Variants in IL1RAPL2 observed in about 807,000 individuals in gnomAD.
IL1RAPL2 encodes interleukin 1 receptor accessory protein like 2.
A neutral mutation model predicts 44.1 loss-of-function variants in IL1RAPL2; 3 were observed. The observed-to-expected ratio is 0.07, with a 90% CI of 0.03 to 0.18. IL1RAPL2 has a LOEUF of 0.18. IL1RAPL2 is among the 10% of genes least tolerant of loss of function. The pLI is 1.00. For synonymous variants in IL1RAPL2, 181 were observed against 178.8 expected (o/e 1.01, Z -0.10); for missense variants, 391 against 496.4 (o/e 0.79, Z 2.02).
chrX:104,667,842 G>A (rs1219459613), intron 2 of IL1RAPL2, among the ~76,000 whole-genome samples: 3 of 111,344 alleles, frequency 2.7e-5, no homozygotes, highest in Admixed American at 1.9e-4. Flanking sequence ...TCTTATAAAA[G>A]GCATAATATA....
chrX:105,581,160 C>T (rs752827906), intron 6 of IL1RAPL2, among the ~76,000 whole-genome samples: 1 of 111,317 alleles, frequency 9.0e-6, no homozygotes, highest in South Asian at 3.8e-4. Flanking sequence ...GACTGTATTG[C>T]TACACTCATG....
intron 5 of IL1RAPL2, among the ~76,000 whole-genome samples, chrX:105,422,976 C>T (rs2035783545): frequency 9.0e-6 from 1 of 110,773 alleles, no homozygotes. Flanking sequence ...CAGCCAGAGT[C>T]AAGGACACAA....
At chrX:105,268,997 T>C (rs1170791213) in intron 5 of IL1RAPL2, among the ~76,000 whole-genome samples, 2 of 110,974 alleles carry the variant, frequency 1.8e-5, no homozygotes, top group Non-Finnish European at 3.8e-5. Context: ...TACACATACA[T>C]ATTTCTATTG....
At chrX:104,662,934 G>A (rs1029901132) in intron 2 of IL1RAPL2, among the ~76,000 whole-genome samples, 1 of 111,523 alleles carries the variant, frequency 9.0e-6, no homozygotes, top group African/African-American at 3.3e-5. Context: ...GGATGATCTA[G>A]CACAAAAACT....
intron 2 of IL1RAPL2, among the ~76,000 whole-genome samples, chrX:105,082,489 C>T (rs898226904): frequency 4.5e-5 from 5 of 111,378 alleles, no homozygotes; most frequent in Non-Finnish European, 7.5e-5. Context: ...TCTATGATCT[C>T]GGGTATACTG....
In IL1RAPL2 at chrX:105,041,102, GA is replaced by G. The variant is rs1443276887; in HGVS notation, c.83-154371del. 3.8e-5 allele frequency among the ~76,000 whole-genome samples: 4 copies of G among 106,046 alleles called. No homozygotes were observed. The Admixed American group carries it at 4.1e-4, about 11-fold the overall frequency. The allele number at this position is 106,046 out of a possible 115,157, so 92.1% of individuals were successfully genotyped here. On this transcript the variant is annotated intron_variant, in intron 2 of 10. Transcript: ENST00000372582. ...TGTCTTTGTTCTCGTTGGTTTCAAA[GA>G]ACATCTTTATTTCTGCCTTCATTTC...
At chrX:104,568,129 C>A (rs16985073) in intron 1 of IL1RAPL2, among the ~76,000 whole-genome samples, 3,375 of 110,553 alleles carry the variant, frequency 0.031, 154 homozygotes, top group African/African-American at 0.11. Flanking sequence ...GTATCTTGTC[C>A]CCGAATGAGG....
chrX:105,375,921 T>A (rs768280526), intron 5 of IL1RAPL2, among the ~76,000 whole-genome samples: 1 of 112,316 alleles, frequency 8.9e-6, no homozygotes, highest in South Asian at 3.7e-4. Context: ...ATGGTTTTCC[T>A]TTCCTCACAA....
intron 5 of IL1RAPL2, among the ~76,000 whole-genome samples, chrX:105,414,935 T>C (rs2035722138): frequency 8.9e-6 from 1 of 112,277 alleles, no homozygotes; most frequent in Admixed American, 9.4e-5. Context: ...ATAATGTTTA[T>C]GTGAACACAT....
chrX:105,687,557 A>C (rs955316005), intron 6 of IL1RAPL2, among the ~76,000 whole-genome samples: 5 of 111,642 alleles, frequency 4.5e-5, no homozygotes, highest in African/African-American at 1.6e-4. Context: ...ATAGACCAAT[A>C]ATAGGCTCAG....
chrX:105,411,144 A>T (rs190793302), intron 5 of IL1RAPL2, among the ~76,000 whole-genome samples: 1 of 111,667 alleles, frequency 9.0e-6, no homozygotes, highest in Non-Finnish European at 1.9e-5. Flanking sequence ...ATAACCACAA[A>T]CAAAGAAATC....
At position 104,927,614 on chromosome X, in the gene IL1RAPL2, T is replaced by C. The variant is rs766775094; in HGVS notation, c.83-267861T>C. ...AAAAGATGCATAATTTTGACAATATTATACGAAATCTAAAGTACACTTTGG... is the reference window on the plus strand; with the variant it reads ...AAAAGATGCATAATTTTGACAATATCATACGAAATCTAAAGTACACTTTGG... On this transcript the variant is annotated intron_variant, in intron 2 of 10. Coordinates refer to ENST00000372582, the MANE Select transcript of IL1RAPL2 (RefSeq NM_017416.2). Among the ~76,000 whole-genome samples the C allele has an allele frequency of 1.2e-3, 139 of 111,951 alleles. 1 individual carries two copies. Among genetic ancestry groups the C allele is most frequent in the African/African-American group, 3.6e-3 (112 of 30,880 alleles).
intron 6 of IL1RAPL2, among the ~76,000 whole-genome samples, chrX:105,590,162 T>C (rs903001662): frequency 1.8e-5 from 2 of 111,815 alleles, no homozygotes; most frequent in African/African-American, 6.5e-5. Flanking sequence ...GTGTTTTGAT[T>C]TTGATCTCAC....
At chrX:105,569,142 T>C (rs2036996584) in intron 6 of IL1RAPL2, among the ~76,000 whole-genome samples, 1 of 112,011 alleles carries the variant, frequency 8.9e-6, no homozygotes, top group African/African-American at 3.2e-5. Flanking sequence ...GCCATGCCCA[T>C]ATTTTTAGAT....
chrX:105,116,998 A>G (rs1395533511), intron 2 of IL1RAPL2, among the ~76,000 whole-genome samples: 1 of 112,322 alleles, frequency 8.9e-6, no homozygotes, highest in Non-Finnish European at 1.9e-5. Flanking sequence ...GTACAATGAA[A>G]TCTTCTTGAA....
intron 2 of IL1RAPL2, among the ~76,000 whole-genome samples, chrX:104,933,681 T>G (rs756560256): frequency 5.1e-4 from 57 of 111,626 alleles, no homozygotes; most frequent in African/African-American, 1.8e-3. Flanking sequence ...AATCAGTCAG[T>G]TGGGTCAGGA....
chrX:105,457,828 T>TA lies in IL1RAPL2; in HGVS notation c.698-26484dup, dbSNP rs1182587993. 2.7e-5 allele frequency among the ~76,000 whole-genome samples: 3 copies of TA among 110,420 alleles called. No homozygotes were observed. In the East Asian group the frequency reaches 8.5e-4, roughly 31 times the overall value. On this transcript the variant is annotated intron_variant, in intron 5 of 10. Transcript: ENST00000372582. The stretch of plus-strand genomic sequence containing the variant: ...AGTTTCTTTCCAGTTCTTTTGGACA[T>TA]ATGCTTAGGAGTGGAATTACTGGGT...
At chrX:105,760,646 T>C (rs1030801387) in intron 10 of IL1RAPL2, among the ~76,000 whole-genome samples, 2 of 112,094 alleles carry the variant, frequency 1.8e-5, no homozygotes, top group African/African-American at 6.5e-5. Flanking sequence ...ACTAGCAATA[T>C]AGCCTCCAAA....
chrX:104,879,109 T>G (rs1400245212), intron 2 of IL1RAPL2, among the ~76,000 whole-genome samples: 1 of 110,152 alleles, frequency 9.1e-6, no homozygotes, highest in Admixed American at 9.7e-5. Context: ...TAAATCAGGC[T>G]CTGGTTTGAT....
Sources: gnomAD v4.1 joint callset for allele counts (sites outside exome capture counted in the v4.1 genomes callset) on GRCh38, gnomAD v4.1.1 for gene constraint, MANE v1.5 for transcripts, NCBI Gene and HGNC (gene_info 2026-07-23, HGNC 2026-07-21) for gene names.